FAM98B: variants seen among roughly 807,000 people sequenced by gnomAD.
FAM98B encodes the protein tRNA-splicing ligase complex subunit FAM98B.
A neutral mutation model predicts 43.9 loss-of-function variants in FAM98B; 32 were observed. The ratio of observed to expected loss-of-function variants is 0.73; its 90% CI spans 0.55 to 0.98. The LOEUF is 0.98. FAM98B is among the 50% of genes least tolerant of loss of function. The pLI is 0.00. For synonymous variants in FAM98B, 190 were observed against 174.0 expected, an observed-to-expected ratio of 1.09 and a Z score of -0.72; for missense variants, 514 against 522.9, an observed-to-expected ratio of 0.98 and a Z score of 0.17.
Position 38,484,783 on chromosome 15 carries a change from C to G in FAM98B, c.*124C>G. ...CATGTTAGACTCCCTGGTGATACCA[C>G]TCTTGAATTGGTTAATATGTAAGAA... On this transcript the variant is annotated 3_prime_UTR_variant, in exon 8 of 8. Transcript: ENST00000397609. 1 of 1,376,726 alleles carries G rather than the reference C, an allele frequency of 7.3e-7. No homozygotes were observed. The highest frequency in any genetic ancestry group is 9.5e-7 in the Non-Finnish European group (1 of 1,056,432). 85.3% of individuals were successfully genotyped at this position (1,376,726 alleles called of 1,614,324 possible).
rs1890354540 is a variant in FAM98B, at chr15:38,485,409, G to A, written c.*750G>A. On this transcript the variant is annotated 3_prime_UTR_variant, in exon 8 of 8. Transcript: ENST00000397609. ...GGTGTGAGAAATAGTCCTATAAACT[G>A]GTCTCTTCATCATTTATGCTCTCAC... is the stretch of plus-strand genomic sequence containing the variant. 6.6e-6 allele frequency: 1 copy of A among 152,102 alleles called. No individual in the cohort carries two copies. The highest frequency in any genetic ancestry group is 1.5e-5 in the Non-Finnish European group (1 of 68,020). The allele number at this position is 152,102 out of a possible 1,614,324, so 9.4% of individuals were successfully genotyped here. A position where few individuals can be genotyped will look rare whatever the true frequency, so the allele number is the denominator to read the frequency against.
chr15:38,476,518 T>C (rs1306346228), intron 6 of FAM98B, among the ~76,000 whole-genome samples: 2 of 152,124 alleles, frequency 1.3e-5, no homozygotes, highest in African/African-American at 2.4e-5. Flanking sequence ...GTTTTATTTT[T>C]TCCCCTCATT....
At chr15:38,462,766 T>C (rs1889969390) in intron 1 of FAM98B, among the ~76,000 whole-genome samples, 1 of 152,186 alleles carries the variant, frequency 6.6e-6, no homozygotes, top group Admixed American at 6.5e-5. Context: ...ACTGATATAG[T>C]TTCTCTGAAA....
intron 7 of FAM98B, chr15:38,483,186 T>C (rs1295561371): frequency 1.3e-5 from 2 of 152,220 alleles, no homozygotes; most frequent in Admixed American, 6.5e-5. Context: ...CCAGAGTTGT[T>C]ATTGTATAAA....
In FAM98B at chr15:38,486,787, C is replaced by A. The variant is rs1287004001; in HGVS notation, c.*2128C>A. ...GATAATCTTTGTTCAGTAAAAATTTCTTTTGTAGAACAGTTTGCTGAGCAG... is the reference window on the plus strand; with the variant it reads ...GATAATCTTTGTTCAGTAAAAATTTATTTTGTAGAACAGTTTGCTGAGCAG... On this transcript the variant is annotated 3_prime_UTR_variant, in exon 8 of 8. Transcript: ENST00000397609. The A allele has an allele frequency of 1.3e-5, 2 of 151,978 alleles. No individual in the cohort carries two copies. The highest frequency in any genetic ancestry group is 1.9e-4 in the East Asian group (1 of 5,192). The allele number at this position is 151,978 out of a possible 1,614,324, so 9.4% of individuals were successfully genotyped here.
chr15:38,467,343 A>G (rs1010360729), intron 3 of FAM98B, among the ~76,000 whole-genome samples: 3 of 152,238 alleles, frequency 2.0e-5, no homozygotes. Context: ...TTTATAAATC[A>G]ACAGGAAAAA....
At chr15:38,460,462 G>A (rs1889929940) in intron 1 of FAM98B, among the ~76,000 whole-genome samples, 2 of 151,984 alleles carry the variant, frequency 1.3e-5, no homozygotes, top group Admixed American at 6.6e-5. Context: ...CTTAAGAGAG[G>A]TCTGTGGACT....
intron 1 of FAM98B, among the ~76,000 whole-genome samples, chr15:38,459,963 G>A (rs1386635457): frequency 4.6e-5 from 7 of 152,236 alleles, no homozygotes; most frequent in African/African-American, 1.7e-4. Context: ...AATAGGTTGG[G>A]TAAATGATGG....
At chr15:38,459,430 A>T in intron 1 of FAM98B, 1 of 371,978 alleles carries the variant, frequency 2.7e-6, no homozygotes, top group Non-Finnish European at 5.3e-6. Flanking sequence ...AAGGGCCTTG[A>T]AGATGTTATA....
chr15:38,464,162 A>G lies in FAM98B; in HGVS notation c.202A>G (p.Ser68Gly). Reference protein sequence around the residue: ...QIKSLCNLEESITSAGRDDLE... With the variant: ...QIKSLCNLEEGITSAGRDDLE... ...AAAATCATTATGCAACTTGGAAGAA[A>G]GTATCACGTCTGCTGGTATTGCCAT... The change falls in exon 2 of 8, where the codon AGT (serine) becomes GGT (glycine). Residue 68 changes from serine to glycine, a missense_variant. Ser to Gly is a moderately conservative substitution (Grantham distance 56). Around this residue, in one of 2 missense-constraint regions of FAM98B, gnomAD observed 469 missense variants for 451.8 expected, o/e 1.04. Transcript: ENST00000397609. The G allele has an allele frequency of 6.2e-7, 1 of 1,613,074 alleles. No individual in the cohort carries two copies. Among genetic ancestry groups the G allele is most frequent in the South Asian group, 1.1e-5 (1 of 90,878 alleles).
intron 6 of FAM98B, among the ~76,000 whole-genome samples, chr15:38,480,940 A>G (rs1890273026): frequency 6.6e-6 from 1 of 152,106 alleles, no homozygotes; most frequent in Non-Finnish European, 1.5e-5. Context: ...TACCATTTAT[A>G]CAAGTTTTCC....
At chr15:38,476,795 C>T (rs4271555) in intron 6 of FAM98B, among the ~76,000 whole-genome samples, 94,977 of 151,072 alleles carry the variant, frequency 0.63, 30,010 homozygotes, top group South Asian at 0.77. Context: ...CGGTGGCTTC[C>T]TCAGCTGCAT....
At chr15:38,477,870 G>A (rs560522767) in intron 6 of FAM98B, among the ~76,000 whole-genome samples, 9 of 152,290 alleles carry the variant, frequency 5.9e-5, no homozygotes, top group African/African-American at 9.6e-5. Context: ...AGTTACCAAC[G>A]AAGCAGATGA....
At chr15:38,459,218 C>G (rs75292807) in intron 1 of FAM98B, 1 of 455,576 alleles carries the variant, frequency 2.2e-6, no homozygotes. Context: ...TGCACAAGGG[C>G]TTCATCCAGG....
Position 38,484,342 on chromosome 15 carries a change from CAAG to C in FAM98B, c.989_991del (p.Glu330del). 4.6e-6 allele frequency: 7 copies of C among 1,538,052 alleles called. No homozygotes were observed. Among genetic ancestry groups the C allele is most frequent in the Non-Finnish European group, 6.1e-6 (7 of 1,142,870 alleles). On this transcript the variant is annotated inframe_deletion, in exon 8 of 8. Transcript: ENST00000397609. ...AGAAATGCCCCCTTGGCAAAAGAGA[CAAG>C]AAGGCGGCGGTGGAAGGGGTGGTTG... is the stretch of plus-strand genomic sequence containing the variant.
intron 1 of FAM98B, among the ~76,000 whole-genome samples, chr15:38,457,734 G>A (rs1471908217): frequency 6.6e-6 from 1 of 152,136 alleles, no homozygotes; most frequent in African/African-American, 2.4e-5. Flanking sequence ...GGGGATGTTG[G>A]GGAGTGTCCA....
At chr15:38,456,419 A>T (rs545571949) in intron 1 of FAM98B, among the ~76,000 whole-genome samples, 8 of 152,312 alleles carry the variant, frequency 5.3e-5, no homozygotes. Context: ...AGATTCACAG[A>T]CTCAGTTGAG....
Position 38,487,265 on chromosome 15 carries a change from A to G in FAM98B, c.*2606A>G, listed in dbSNP as rs1486493575. On this transcript the variant is annotated 3_prime_UTR_variant, in exon 8 of 8. Transcript: ENST00000397609. ...CTTGCCTCATTAAACAGAAAAAGGA[A>G]AACATTTTAAATAAAAAACATCTTA... The G allele has an allele frequency of 6.6e-6, 1 of 152,146 alleles. No individual in the cohort carries two copies. Among genetic ancestry groups the G allele is most frequent in the Non-Finnish European group, 1.5e-5 (1 of 67,978 alleles). 9.4% of individuals were successfully genotyped at this position (152,146 alleles called of 1,614,324 possible).
intron 1 of FAM98B, 88 bp from the exon 2 acceptor site, chr15:38,463,944 A>G: frequency 1.6e-6 from 2 of 1,252,864 alleles, no homozygotes; most frequent in African/African-American, 1.5e-5. Context: ...ATTTACAAAA[A>G]CAAGCAGCAG....
Sources: allele counts gnomAD v4.1 joint callset (sites outside exome capture counted in the v4.1 genomes callset), GRCh38; gene constraint gnomAD v4.1.1; regional missense constraint gnomAD v4.1.1; transcripts MANE v1.5; gene names NCBI Gene and HGNC (gene_info 2026-07-23, HGNC 2026-07-21).